PCLO: variants seen among roughly 807,000 people sequenced by gnomAD.
PCLO encodes protein piccolo.
Under a neutral mutation model 427.5 loss-of-function variants are expected in PCLO, and 82 were observed. The observed-to-expected ratio is 0.19, with a 90% CI of 0.16 to 0.23. The LOEUF (loss-of-function observed/expected upper bound fraction) is 0.23, where lower values mean the gene tolerates loss of function less well. Among genes scored for constraint, PCLO ranks in the 10% least tolerant of loss-of-function variants. PCLO has a pLI of 1.00. For missense variants in PCLO, 6,239 were observed against 6,115.9 expected (o/e 1.02, Z -0.67); for synonymous variants, 2,357 against 2,155.4 (o/e 1.09, Z -2.59).
At chr7:82,987,973 A>T (rs1032508014) in intron 3 of PCLO, among the ~76,000 whole-genome samples, 1 of 152,178 alleles carries the variant, frequency 6.6e-6, no homozygotes, top group Non-Finnish European at 1.5e-5. Flanking sequence ...TGGAGACAGC[A>T]TATTATCAAA....
At chr7:82,935,575 T>G (rs1794932991) in intron 6 of PCLO, among the ~76,000 whole-genome samples, 2 of 151,660 alleles carry the variant, frequency 1.3e-5, no homozygotes, top group South Asian at 4.1e-4. Context: ...AATCTATGTC[T>G]ACACAAAGAT....
chr7:83,091,351 A>T (rs1325123058), intron 3 of PCLO, among the ~76,000 whole-genome samples: 2 of 152,206 alleles, frequency 1.3e-5, no homozygotes, highest in African/African-American at 4.8e-5. Flanking sequence ...TATGGAAAAT[A>T]GAATCATATT....
At chr7:83,057,773 GGAAA>G (rs1196876946) in intron 3 of PCLO, among the ~76,000 whole-genome samples, 6 of 151,738 alleles carry the variant, frequency 4.0e-5, no homozygotes, top group African/African-American at 1.2e-4. Flanking sequence ...AAATTTTAAT[GGAAA>G]GAAAATCAAA....
At chr7:82,935,806 C>T (rs1228039712) in intron 6 of PCLO, among the ~76,000 whole-genome samples, 2 of 151,594 alleles carry the variant, frequency 1.3e-5, no homozygotes, top group African/African-American at 4.8e-5. Flanking sequence ...TGGCAGAGTT[C>T]AGAACTTCAA....
chr7:82,873,207 T>C (rs1228570120), intron 10 of PCLO, among the ~76,000 whole-genome samples: 1 of 131,300 alleles, frequency 7.6e-6, no homozygotes, highest in East Asian at 2.1e-4. Flanking sequence ...TTTTGTACAT[T>C]CGAACCTTTT....
At chr7:83,143,451 C>G (rs1010763214) in intron 2 of PCLO, among the ~76,000 whole-genome samples, 1 of 152,128 alleles carries the variant, frequency 6.6e-6, no homozygotes, top group African/African-American at 2.4e-5. Context: ...TGGACATCTC[C>G]TCTCTGAAAT....
intron 20 of PCLO, among the ~76,000 whole-genome samples, chr7:82,808,168 A>G (rs901841197): frequency 5.3e-5 from 8 of 151,968 alleles, no homozygotes; most frequent in African/African-American, 1.9e-4. Flanking sequence ...ATGACATTGA[A>G]TGGAAGACAT....
At chr7:83,089,933 T>C (rs1790336044) in intron 3 of PCLO, among the ~76,000 whole-genome samples, 1 of 152,232 alleles carries the variant, frequency 6.6e-6, no homozygotes, top group African/African-American at 2.4e-5. Flanking sequence ...TTTCCGTTTA[T>C]ATAAAATTTG....
intron 3 of PCLO, among the ~76,000 whole-genome samples, chr7:83,066,660 A>AC (rs1162612872): frequency 1.6e-4 from 25 of 152,294 alleles, no homozygotes; most frequent in African/African-American, 5.8e-4. Flanking sequence ...GATTATTGAA[A>AC]TAGCCATTGA....
At chr7:83,022,645 A>G (rs897992774) in intron 3 of PCLO, among the ~76,000 whole-genome samples, 4 of 152,224 alleles carry the variant, frequency 2.6e-5, no homozygotes, top group African/African-American at 9.6e-5. Flanking sequence ...ACAATATTCC[A>G]TATTTTCTTT....
rs757236652 is a variant in PCLO, at chr7:83,155,687, C to G, written c.954G>C (p.Gln318His). 76 of 1,613,850 alleles carry G rather than the reference C, an allele frequency of 4.7e-5. No homozygotes were observed. The highest frequency in any genetic ancestry group is 6.4e-5 in the Non-Finnish European group (75 of 1,179,890). Residue 318 changes from glutamine (Q) to histidine (H), a missense_variant, in exon 2 of 25, where the codon CAG becomes CAC. Coordinates refer to ENST00000333891, the MANE Select transcript of PCLO (RefSeq NM_033026.6). ...CAGGCTGTGATTTTTCATGTCCAGG[C>G]TGCTGTGCTGGAGGTTTTCCAGGAG... ...QPTPGKPPAQQPGHEKSQPGP... is the reference protein window; with the variant it reads ...QPTPGKPPAQHPGHEKSQPGP...
chr7:83,157,703 T>G lies in PCLO; in HGVS notation c.249-1311A>C, dbSNP rs138582433. Among the ~76,000 whole-genome samples, 777 of 152,024 alleles carry G rather than the reference T, an allele frequency of 5.1e-3. 9 individuals carry two copies. Among genetic ancestry groups the G allele is most frequent in the African/African-American group, 0.018 (746 of 41,558 alleles). On this transcript the variant is annotated intron_variant, in intron 1 of 24. Coordinates refer to ENST00000333891, the MANE Select transcript of PCLO (RefSeq NM_033026.6). ...ATAATTCATACTTTAGTGATAAAGT[T>G]GCAGCTAAAAGAATATTCTGAATTA...
chr7:83,037,042 T>C (rs1309463088), intron 3 of PCLO, among the ~76,000 whole-genome samples: 1 of 152,048 alleles, frequency 6.6e-6, no homozygotes, highest in Non-Finnish European at 1.5e-5. Flanking sequence ...TGAACAAAGG[T>C]ACAAGAAAAA....
chr7:83,067,609 T>A (rs1583979686), intron 3 of PCLO, among the ~76,000 whole-genome samples: 2 of 152,192 alleles, frequency 1.3e-5, no homozygotes, highest in Admixed American at 1.3e-4. Context: ...GCTGAACACA[T>A]ACTGTCATGC....
chr7:83,026,180 A>G (rs1010432929), intron 3 of PCLO, among the ~76,000 whole-genome samples: 3 of 152,172 alleles, frequency 2.0e-5, no homozygotes, highest in African/African-American at 7.2e-5. Flanking sequence ...AGGAGTCAAG[A>G]CCCATCAGTG....
rs758082885 is a variant in PCLO, at chr7:82,909,031, ACAT to A, written c.13301-21_13301-19del. The A allele has an allele frequency of 1.9e-6, 3 of 1,611,594 alleles. No homozygotes were observed. The highest frequency in any genetic ancestry group is 1.7e-5 in the Admixed American group (1 of 59,846). On this transcript the variant is annotated intron_variant, in intron 7 of 24. Transcript: ENST00000333891. ...ATGATAGGCTTTGGACACCAAGGAA[ACAT>A]CATACATTGCAACGGCAAGTAATAC...
Position 83,150,544 on chromosome 7 carries a change from T to A in PCLO, c.1893+4204A>T, listed in dbSNP as rs537572576. On this transcript the variant is annotated intron_variant, in intron 2 of 24. Transcript: ENST00000333891. ...GTCGGGGAGTGATGATTCGTGAGTT[T>A]GGAACTAAGGGAGTAAACATGTCCC... is the stretch of plus-strand genomic sequence containing the variant. Among the ~76,000 whole-genome samples, 3 of 152,160 alleles carry A rather than the reference T, an allele frequency of 2.0e-5. No individual in the cohort carries two copies. In the South Asian group the frequency reaches 6.2e-4, roughly 32 times the overall value.
Position 82,950,028 on chromosome 7 carries a change from C to T in PCLO, c.10560G>A (p.Thr3520=), listed in dbSNP as rs766410805. Residue 3520 remains threonine (T), a synonymous_variant, in exon 6 of 25, where the codon ACG becomes ACA. Coordinates refer to ENST00000333891, the MANE Select transcript of PCLO (RefSeq NM_033026.6). ...CAGTTTGCACAGATATCTCTGCTAC[C>T]GTTTGAACTGCTATGCTGGAGACTT... ...LSKVSSIAVQ[T]VAEISVQTEP... The T allele has an allele frequency of 2.7e-5, 44 of 1,612,812 alleles. No homozygotes were observed. Among genetic ancestry groups the T allele is most frequent in the Admixed American group, 5.0e-5 (3 of 59,798 alleles).
chr7:82,852,042 G>A (rs946041722), intron 10 of PCLO, among the ~76,000 whole-genome samples: 1 of 151,960 alleles, frequency 6.6e-6, no homozygotes, highest in Non-Finnish European at 1.5e-5. Context: ...AAGGAAAGAA[G>A]AAGGATCAAA....
Sources: allele counts gnomAD v4.1 joint callset (sites outside exome capture counted in the v4.1 genomes callset), GRCh38; gene constraint gnomAD v4.1.1; transcripts MANE v1.5; gene names NCBI Gene and HGNC (gene_info 2026-07-23, HGNC 2026-07-21).